ADAM19: variants seen among roughly 807,000 people sequenced by gnomAD.
ADAM19 encodes the protein ADAM metallopeptidase domain 19, also known as disintegrin and metalloproteinase domain-containing protein 19.
ADAM19 carries 65 observed loss-of-function variants against 114.7 expected under a neutral mutation model. The ratio of observed to expected loss-of-function variants is 0.57; its 90% CI spans 0.46 to 0.70. The LOEUF is 0.70. ADAM19 is among the 30% of genes least tolerant of loss of function. The pLI is 0.00. For synonymous variants in ADAM19, 466 were observed against 460.5 expected, an observed-to-expected ratio of 1.01 and a Z score of -0.15; for missense variants, 1,063 against 1,204.7, an observed-to-expected ratio of 0.88 and a Z score of 1.74.
intron 9 of ADAM19, among the ~76,000 whole-genome samples, chr5:157,508,044 T>G (rs1313837244): frequency 1.3e-5 from 2 of 152,246 alleles, no homozygotes; most frequent in Non-Finnish European, 2.9e-5. Context: ...AATAAATGTT[T>G]GCTGAATTAC....
rs754963634 is a variant in ADAM19 at position 157,509,268 on chromosome 5, G to A, written c.905+33C>T. The A allele has an allele frequency of 7.6e-6, 12 of 1,574,336 alleles. No homozygotes were observed. The Admixed American group carries it at 2.1e-4, about 27-fold the overall frequency. On this transcript the variant is annotated intron_variant, in intron 9 of 22. Transcript: ENST00000257527. The stretch of plus-strand genomic sequence containing the variant: ...GGGTGGGCAGAGGCTTTGCAGCCAA[G>A]GACAACACAACATATGGAAAAAGGC...
In ADAM19 at chr5:157,518,837, C is replaced by T. The variant is rs1455570134; in HGVS notation, c.652G>A (p.Ala218Thr). ...SMKYVELYLV[A>T]DYLEFQKNRR... is the part of the protein sequence containing the mutation. ...CTCCCCCTTACCTCTAAATAATCAGCCACGAGGTAAAGCTCCACATACTTC... is the reference window on the plus strand; with the variant it reads ...CTCCCCCTTACCTCTAAATAATCAGTCACGAGGTAAAGCTCCACATACTTC... The change falls in exon 7 of 23, where the codon GCT (alanine) becomes ACT (threonine). Residue 218 changes from alanine to threonine, a missense_variant. Around this residue, in one of 3 missense-constraint regions of ADAM19, gnomAD observed 615 missense variants for 706.3 expected, o/e 0.87. Transcript: ENST00000257527. The T allele has an allele frequency of 6.2e-7, 1 of 1,613,924 alleles. No homozygotes were observed. Among genetic ancestry groups the T allele is most frequent in the Non-Finnish European group, 8.5e-7 (1 of 1,179,782 alleles).
intron 4 of ADAM19, 131 bp from the exon 5 acceptor site, chr5:157,531,014 G>T: frequency 1.5e-6 from 1 of 688,478 alleles, no homozygotes; most frequent in Non-Finnish European, 2.6e-6. Flanking sequence ...CTTACAACCT[G>T]CAAAGAGCTT....
rs958466308 is a variant in ADAM19 at position 157,518,804 on chromosome 5, C to A, written c.666+19G>T. The A allele has an allele frequency of 3.1e-6, 5 of 1,604,380 alleles. No individual in the cohort carries two copies. In the African/African-American group the frequency reaches 6.7e-5, roughly 21 times the overall value. On this transcript the variant is annotated intron_variant, in intron 7 of 22. Coordinates refer to ENST00000257527, the MANE Select transcript of ADAM19 (RefSeq NM_033274.5). ...TCAAGAGAGCAGTTTTTCTGCAAGA[C>A]CCATTGCCTCCCCCTTACCTCTAAA...
chr5:157,480,887 G>A lies in ADAM19; in HGVS notation c.*62C>T. On this transcript the variant is annotated 3_prime_UTR_variant, in exon 23 of 23. Transcript: ENST00000257527. ...CAGACATGCTTCTTCAGGGTTCCAT[G>A]GCCATGGGTCCTCTGCAGTGTCCAG... The A allele has an allele frequency of 2.5e-6, 4 of 1,611,370 alleles. No individual in the cohort carries two copies. Among genetic ancestry groups the A allele is most frequent in the Non-Finnish European group, 3.4e-6 (4 of 1,179,080 alleles).
At chr5:157,508,446 TA>T (rs1755814406) in intron 9 of ADAM19, among the ~76,000 whole-genome samples, 2 of 151,974 alleles carry the variant, frequency 1.3e-5, no homozygotes, top group Non-Finnish European at 2.9e-5. Flanking sequence ...CTGTCTCTAT[TA>T]AAAATACAAA....
intron 11 of ADAM19, 152 bp downstream of exon 11, chr5:157,505,517 T>C: frequency 1.2e-6 from 1 of 852,356 alleles, no homozygotes; most frequent in Non-Finnish European, 1.7e-6. Context: ...GCCTTGGTCT[T>C]CTCTCAATTT....
intron 7 of ADAM19, among the ~76,000 whole-genome samples, chr5:157,515,175 G>C (rs1756056198): frequency 6.6e-6 from 1 of 152,192 alleles, no homozygotes; most frequent in Non-Finnish European, 1.5e-5. Flanking sequence ...GATTCAGTGT[G>C]ACACTGTAAC....
At position 157,478,962 on chromosome 5, in the gene ADAM19, GT is replaced by G. The variant is rs1182784272; in HGVS notation, c.*1986del. The stretch of plus-strand genomic sequence containing the variant: ...GAAGCTCTGTGAGGCATGGGGTTGG[GT>G]TTTGAGGATGTTGCTTGTTTGTTTT... On this transcript the variant is annotated 3_prime_UTR_variant, in exon 23 of 23. Coordinates refer to ENST00000257527, the MANE Select transcript of ADAM19 (RefSeq NM_033274.5). The G allele has an allele frequency of 4.6e-5, 45 of 985,660 alleles. No individual in the cohort carries two copies. Among genetic ancestry groups the G allele is most frequent in the South Asian group, 4.2e-4 (9 of 21,288 alleles). The allele number at this position is 985,660 out of a possible 1,614,324, so 61.1% of individuals were successfully genotyped here.
At chr5:157,523,053 C>T (rs895342469) in intron 5 of ADAM19, among the ~76,000 whole-genome samples, 2 of 152,168 alleles carry the variant, frequency 1.3e-5, no homozygotes, top group African/African-American at 4.8e-5. Context: ...TCATGAGTCC[C>T]ACTTTATAGA....
intron 3 of ADAM19, among the ~76,000 whole-genome samples, chr5:157,540,887 A>C (rs1756898848): frequency 6.6e-6 from 1 of 152,164 alleles, no homozygotes; most frequent in African/African-American, 2.4e-5. Flanking sequence ...TCTACATAAA[A>C]CAATCCGCTT....
At position 157,480,781 on chromosome 5, in the gene ADAM19, C is replaced by T; in HGVS notation, c.*168G>A. The T allele has an allele frequency of 6.9e-7, 1 of 1,451,472 alleles. No individual in the cohort carries two copies. The highest frequency in any genetic ancestry group is 9.0e-7 in the Non-Finnish European group (1 of 1,108,458). 89.9% of individuals were successfully genotyped at this position (1,451,472 alleles called of 1,614,324 possible). A position where few individuals can be genotyped will look rare whatever the true frequency, so the allele number is the denominator to read the frequency against. ...TAGTCCCTCTGGGCTTCCAAGGAAG[C>T]CGAGGAGGCACTGAGTCAACAGGGA... On this transcript the variant is annotated 3_prime_UTR_variant, in exon 23 of 23. Transcript: ENST00000257527.
At position 157,571,282 on chromosome 5, in the gene ADAM19, A is replaced by G. The variant is rs11465247; in HGVS notation, c.95-302T>C. ...ATGGAGTAAAGAGACATCTATCAGGAGGTGCCTATTTGAAACAGGATGATC... is the reference window on the plus strand; with the variant it reads ...ATGGAGTAAAGAGACATCTATCAGGGGGTGCCTATTTGAAACAGGATGATC... On this transcript the variant is annotated intron_variant, in intron 1 of 22. Transcript: ENST00000257527. Among the ~76,000 whole-genome samples, 469 of 152,324 alleles carry G rather than the reference A, an allele frequency of 3.1e-3. 3 individuals are homozygous for G. Among genetic ancestry groups the G allele is most frequent in the African/African-American group, 0.01 (436 of 41,566 alleles).
At chr5:157,535,502 G>A in intron 4 of ADAM19, among the ~76,000 whole-genome samples, 1 of 152,250 alleles carries the variant, frequency 6.6e-6, no homozygotes, top group Non-Finnish European at 1.5e-5. Flanking sequence ...CATGGGCCTG[G>A]GTGGGAGCTT....
chr5:157,527,773 A>G (rs1168729778), intron 5 of ADAM19, among the ~76,000 whole-genome samples: 1 of 152,120 alleles, frequency 6.6e-6, no homozygotes, highest in Non-Finnish European at 1.5e-5. Context: ...AGGAAGGGGG[A>G]AAATCTGGAA....
intron 2 of ADAM19, chr5:157,570,343 CCT>C (rs1484517200): frequency 2.0e-5 from 3 of 152,264 alleles, no homozygotes; most frequent in Non-Finnish European, 4.4e-5. Flanking sequence ...ATGCTCAGGT[CCT>C]CTCTGCAAGA....
intron 8 of ADAM19, among the ~76,000 whole-genome samples, chr5:157,511,411 C>T (rs974175890): frequency 6.6e-6 from 1 of 152,176 alleles, no homozygotes; most frequent in African/African-American, 2.4e-5. Flanking sequence ...AAATTACAAC[C>T]TCAGAGCCTA....
intron 9 of ADAM19, 57 bp downstream of exon 9, chr5:157,509,244 G>T: frequency 6.6e-7 from 1 of 1,511,928 alleles, no homozygotes; most frequent in Non-Finnish European, 9.0e-7. Context: ...GCATGTGCTG[G>T]GTGGGCAGAG....
At chr5:157,562,412 T>C (rs1757532703) in intron 3 of ADAM19, among the ~76,000 whole-genome samples, 1 of 152,208 alleles carries the variant, frequency 6.6e-6, no homozygotes, top group Non-Finnish European at 1.5e-5. Flanking sequence ...CGGGCTCTCC[T>C]CTGGAGCCTC....
Sources: gnomAD v4.1 joint callset for allele counts (sites outside exome capture counted in the v4.1 genomes callset) on GRCh38, gnomAD v4.1.1 for gene constraint, gnomAD v4.1.1 regional missense constraint, MANE v1.5 for transcripts, NCBI Gene and HGNC (gene_info 2026-07-23, HGNC 2026-07-21) for gene names.